The following GNS variants were observed in gnomAD, a reference collection of about 807,000 sequenced individuals.
GNS encodes N-acetylglucosamine-6-sulfatase.
A neutral mutation model predicts 69.7 loss-of-function variants in GNS; 40 were observed. The ratio of observed to expected loss-of-function variants is 0.57; its 90% CI spans 0.45 to 0.75. GNS has a LOEUF of 0.75. Among genes scored for constraint, GNS ranks in the 30% least tolerant of loss-of-function variants. GNS has a pLI of 0.00. For missense variants in GNS, 565 were observed against 685.5 expected, an observed-to-expected ratio of 0.82 and a Z score of 1.96; for synonymous variants, 243 against 251.6, an observed-to-expected ratio of 0.97 and a Z score of 0.32.
chr12:64,727,850 G>A (rs1869257556), intron 10 of GNS, among the ~76,000 whole-genome samples: 1 of 152,080 alleles, frequency 6.6e-6, no homozygotes, highest in South Asian at 2.1e-4. Flanking sequence ...TGATGAAAAT[G>A]CTCTTAGATT....
chr12:64,747,103 G>T (rs1360428661), intron 3 of GNS, among the ~76,000 whole-genome samples: 1 of 152,194 alleles, frequency 6.6e-6, no homozygotes, highest in Admixed American at 6.5e-5. Context: ...ATCCAGCCTT[G>T]ACAGGTCACC....
rs144641304 is a variant in GNS, at chr12:64,728,193, T to A, written c.1200+763A>T. 5.6e-4 allele frequency among the ~76,000 whole-genome samples: 86 copies of A among 152,358 alleles called. 1 individual carries two copies. The Middle Eastern group carries it at 0.017, about 30-fold the overall frequency. On this transcript the variant is annotated intron_variant, in intron 10 of 13. Transcript: ENST00000258145. ...ACCCACCTTTGGCCTCCCAAAGTGC[T>A]GGGATTACAGGCGTAAGCCACCGCG...
intron 3 of GNS, chr12:64,745,959 G>A: frequency 3.7e-6 from 2 of 540,850 alleles, no homozygotes; most frequent in South Asian, 2.7e-5. Context: ...TGTATGAACA[G>A]CAAGCTAAGA....
At chr12:64,758,898 A>G (rs1198912997) in intron 1 of GNS, among the ~76,000 whole-genome samples, 187 bp downstream of exon 1, 1 of 152,192 alleles carries the variant, frequency 6.6e-6, no homozygotes, top group African/African-American at 2.4e-5. Context: ...ATGTGCCTCA[A>G]TCCAGAAAGG....
At position 64,752,407 on chromosome 12, in the gene GNS, C is replaced by A. The variant is rs191591396; in HGVS notation, c.252+291G>T. 5.9e-5 allele frequency among the ~76,000 whole-genome samples: 9 copies of A among 152,280 alleles called. No homozygotes were observed. The East Asian group carries it at 1.7e-3, about 29-fold the overall frequency. On this transcript the variant is annotated intron_variant, in intron 2 of 13. Transcript: ENST00000258145. Reference sequence around the variant, plus strand: ...TGGGTTTTTACCAAGGAAAAGTTTACACAGCATACATATTCCTTGATTTTT... The same window carrying A: ...TGGGTTTTTACCAAGGAAAAGTTTAAACAGCATACATATTCCTTGATTTTT...
At chr12:64,748,008 A>T (rs1869949809) in intron 2 of GNS, 90 bp from the exon 3 acceptor site, 2 of 775,578 alleles carry the variant, frequency 2.6e-6, no homozygotes, top group Non-Finnish European at 4.7e-6. Context: ...AAGCTCCTTA[A>T]TACTCTAACT....
intron 6 of GNS, among the ~76,000 whole-genome samples, chr12:64,742,313 C>T (rs574101900): frequency 6.6e-6 from 1 of 152,254 alleles, no homozygotes; most frequent in Non-Finnish European, 1.5e-5. Context: ...AGCCACTGCG[C>T]CCGGCCAGTA....
At position 64,723,055 on chromosome 12, in the gene GNS, C is replaced by T. The variant is rs1252607332; in HGVS notation, c.1259G>A (p.Gly420Asp). Residue 420 changes from glycine to aspartate, a missense_variant, in exon 11 of 14, where the codon GGC becomes GAC. By Grantham distance (94) the Gly-to-Asp change is moderately conservative. Coordinates refer to ENST00000258145, the MANE Select transcript of GNS (RefSeq NM_002076.4). ...GCATGTTGGGTCAGTGACGTTACGG[C>T]CTTCTCCTTGGTATTCCACCAGGAC... ...SDVLVEYQGE[G>D]RNVTDPTCPS... is the part of the protein sequence containing the mutation. The T allele has an allele frequency of 6.2e-7, 1 of 1,613,332 alleles. No homozygotes were observed. The highest frequency in any genetic ancestry group is 8.5e-7 in the Non-Finnish European group (1 of 1,179,252).
intron 10 of GNS, among the ~76,000 whole-genome samples, chr12:64,725,859 G>A (rs1869179409): frequency 6.6e-6 from 1 of 151,812 alleles, no homozygotes; most frequent in Non-Finnish European, 1.5e-5. Context: ...AGCCGGGCCT[G>A]GTGGCAGGTG....
rs968453253 is a variant in GNS, at chr12:64,739,281, A to G, written c.994+100T>C. On this transcript the variant is annotated intron_variant, in intron 8 of 13. Coordinates refer to ENST00000258145, the MANE Select transcript of GNS (RefSeq NM_002076.4). ...GCAAGATCCTCCCTCTGGCATGTCC[A>G]CAGTTATAAAAAGACTAGAACTCCC... 8.8e-6 allele frequency: 7 copies of G among 799,412 alleles called. No homozygotes were observed. The African/African-American group carries it at 1.0e-4, about 12-fold the overall frequency. 49.5% of individuals were successfully genotyped at this position (799,412 alleles called of 1,614,324 possible).
chr12:64,740,339 A>G (rs1869692510), intron 7 of GNS, among the ~76,000 whole-genome samples: 1 of 152,216 alleles, frequency 6.6e-6, no homozygotes, highest in Non-Finnish European at 1.5e-5. Flanking sequence ...AGGAGAAAAA[A>G]TTCTACCACA....
chr12:64,752,769 AG>A lies in GNS; in HGVS notation c.193-13del. 7.5e-7 allele frequency: 1 copy of A among 1,329,126 alleles called. No homozygotes were observed. The highest frequency in any genetic ancestry group is 1.1e-6 in the Non-Finnish European group (1 of 923,768). The allele number at this position is 1,329,126 out of a possible 1,614,324, so 82.3% of individuals were successfully genotyped here. A position where few individuals can be genotyped will look rare whatever the true frequency, so the allele number is the denominator to read the frequency against. On this transcript the variant is annotated splice_polypyrimidine_tract_variant and intron_variant, in intron 1 of 13. Transcript: ENST00000258145. ...TTCTTTAGCGGTGTCTGTAAAAGTA[AG>A]TAATTATCCATTAAACAATTTCTTC...
rs768509687 is a variant in GNS, at chr12:64,716,790, C to T, written c.1610G>A (p.Ser537Asn). Residue 537 changes from serine to asparagine, a missense_variant, in exon 14 of 14, where the codon AGC becomes AAC. Physicochemically the swap from Ser to Asn is conservative, Grantham distance 46. Coordinates refer to ENST00000258145, the MANE Select transcript of GNS (RefSeq NM_002076.4). ...GYRFDPRLMF[S>N]NRGSVRTRRF... ...TCGAGTCCTGACACTGCCGCGATTGCTGAACATGAGACGGGGGTCAAACCT... is the reference window on the plus strand; with the variant it reads ...TCGAGTCCTGACACTGCCGCGATTGTTGAACATGAGACGGGGGTCAAACCT... 27 of 1,613,294 alleles carry T rather than the reference C, an allele frequency of 1.7e-5. No homozygotes were observed. The highest frequency in any genetic ancestry group is 2.2e-5 in the Non-Finnish European group (26 of 1,179,232).
intron 10 of GNS, among the ~76,000 whole-genome samples, chr12:64,727,663 T>C (rs1405348994): frequency 6.6e-6 from 1 of 152,170 alleles, no homozygotes; most frequent in Non-Finnish European, 1.5e-5. Context: ...TGTAATTTCA[T>C]TTATATGAAA....
At chr12:64,742,794 G>A (rs1467530421) in intron 6 of GNS, among the ~76,000 whole-genome samples, 4 of 152,136 alleles carry the variant, frequency 2.6e-5, no homozygotes. Flanking sequence ...TGCCTCAAAG[G>A]CTAGTGAGGG....
At chr12:64,724,269 T>C (rs1284188806) in intron 10 of GNS, among the ~76,000 whole-genome samples, 1 of 152,196 alleles carries the variant, frequency 6.6e-6, no homozygotes, top group African/African-American at 2.4e-5. Context: ...TGGAAACTTG[T>C]CACAAATGCA....
chr12:64,756,857 T>G, intron 1 of GNS: 1 of 651,578 alleles, frequency 1.5e-6, no homozygotes, highest in South Asian at 1.8e-5. Context: ...GAAACACTTA[T>G]TAAAAAAAAG....
intron 2 of GNS, among the ~76,000 whole-genome samples, chr12:64,750,236 T>TG (rs1253274438): frequency 6.6e-6 from 1 of 152,010 alleles, no homozygotes; most frequent in Non-Finnish European, 1.5e-5. Flanking sequence ...TTGGTAGAGA[T>TG]GGGGTTTCAC....
Position 64,714,248 on chromosome 12 carries a change from ATTCATTCCTAAGGCCTCTG to A in GNS, c.*2474_*2492del, listed in dbSNP as rs1276718917. Reference sequence around the variant, plus strand: ...GGAAATTGTATAAGGCAAACTCTCTATTCATTCCTAAGGCCTCTGTTCATTCCTAATGTTTACATGGTTC... The same window carrying A: ...GGAAATTGTATAAGGCAAACTCTCTATTCATTCCTAATGTTTACATGGTTC... On this transcript the variant is annotated 3_prime_UTR_variant, in exon 14 of 14. Transcript: ENST00000258145. The A allele has an allele frequency of 2.0e-5, 3 of 152,240 alleles. No homozygotes were observed. The highest frequency in any genetic ancestry group is 1.5e-5 in the Non-Finnish European group (1 of 68,050). The allele number at this position is 152,240 out of a possible 1,614,324, so 9.4% of individuals were successfully genotyped here.
Sources: allele counts gnomAD v4.1 joint callset (sites outside exome capture counted in the v4.1 genomes callset), GRCh38; gene constraint gnomAD v4.1.1; transcripts MANE v1.5; gene names NCBI Gene and HGNC (gene_info 2026-07-23, HGNC 2026-07-21).